ANK2: variants seen among roughly 807,000 people sequenced by gnomAD.
ANK2 encodes ankyrin-2.
ANK2 carries 83 observed loss-of-function variants against 360.5 expected under a neutral mutation model. The ratio of observed to expected loss-of-function variants is 0.23; its 90% CI spans 0.19 to 0.28. ANK2 has a LOEUF of 0.28. Ranked by LOEUF, ANK2 falls within the 10% of genes least tolerant of loss-of-function variation. The pLI is 1.00. For synonymous variants in ANK2, 1,740 were observed against 1,759.5 expected, an observed-to-expected ratio of 0.99 and a Z score of 0.28; for missense variants, 4,201 against 4,795.7, an observed-to-expected ratio of 0.88 and a Z score of 3.66.
At chr4:113,276,650 C>T (rs917755300) in intron 15 of ANK2, among the ~76,000 whole-genome samples, 3 of 152,152 alleles carry the variant, frequency 2.0e-5, no homozygotes, top group South Asian at 2.1e-4. Flanking sequence ...ATACTTCCTA[C>T]GTTTGTCCCA....
intron 2 of ANK2, among the ~76,000 whole-genome samples, chr4:112,926,594 C>G (rs2092591030): frequency 6.6e-6 from 1 of 152,138 alleles, no homozygotes; most frequent in Admixed American, 6.6e-5. Flanking sequence ...TAAGGGTGTG[C>G]ATATTTGATT....
chr4:113,221,859 A>G (rs950478448), intron 4 of ANK2, among the ~76,000 whole-genome samples: 1 of 152,254 alleles, frequency 6.6e-6, no homozygotes, highest in African/African-American at 2.4e-5. Context: ...AGCAGGGATC[A>G]TGGTAGACCC....
the ANK2 span, among the ~76,000 whole-genome samples, chr4:112,751,619 T>G: frequency 1.4e-5 from 2 of 141,992 alleles, no homozygotes; most frequent in Admixed American, 7.1e-5. Flanking sequence ...GGGGAAGGGA[T>G]GGAATTGGAG....
the ANK2 span, among the ~76,000 whole-genome samples, chr4:112,738,412 CAAAAA>C: frequency 2.0e-5 from 1 of 51,014 alleles, no homozygotes; most frequent in African/African-American, 6.8e-5. Flanking sequence ...GAGTCTGTCT[CAAAAA>C]AAAAAAAAAA....
chr4:113,226,559 A>G (rs1004140822), intron 4 of ANK2, among the ~76,000 whole-genome samples: 3 of 152,140 alleles, frequency 2.0e-5, no homozygotes, highest in Non-Finnish European at 4.4e-5. Flanking sequence ...ATTTAAAAAA[A>G]CTAATTATAT....
chr4:113,260,439 T>G (rs564418862), intron 13 of ANK2, among the ~76,000 whole-genome samples: 90 of 152,324 alleles, frequency 5.9e-4, no homozygotes, highest in African/African-American at 2.0e-3. Context: ...GTCCATTATA[T>G]TATCTTTCCA....
chr4:113,182,547 G>A (rs1397536276), intron 2 of ANK2, among the ~76,000 whole-genome samples: 1 of 152,174 alleles, frequency 6.6e-6, no homozygotes, highest in Non-Finnish European at 1.5e-5. Context: ...AGCCATCAAG[G>A]AGAATGGGAA....
chr4:113,051,811 T>C (rs1000405514), intron 1 of ANK2, among the ~76,000 whole-genome samples: 10 of 152,198 alleles, frequency 6.6e-5, no homozygotes, highest in African/African-American at 2.4e-4. Flanking sequence ...AGAATAATTA[T>C]ATATAGAATA....
intron 1 of ANK2, among the ~76,000 whole-genome samples, chr4:113,101,862 C>G (rs2092903320): frequency 6.6e-6 from 1 of 151,992 alleles, no homozygotes; most frequent in Non-Finnish European, 1.5e-5. Flanking sequence ...GAGTCAGATG[C>G]AAGAATGAGG....
rs569060552 is a variant in ANK2 at position 112,830,876 on chromosome 4, G to A, written c.-40+12612G>A. Among the ~76,000 whole-genome samples the A allele has an allele frequency of 1.2e-4, 19 of 152,288 alleles. No homozygotes were observed. In the South Asian group the frequency reaches 2.3e-3, roughly 18 times the overall value. On this transcript the variant is annotated intron_variant, in intron 1 of 30. Coordinates refer to the ANK2 transcript ENST00000503271. ...GCCAGCACGGGTTCCAGGTGGGCAC[G>A]GGCTTGGTGGGCCCTGCACTCAGAA...
chr4:113,287,460 G>C, intron 18 of ANK2, 145 bp from the exon 19 acceptor site: 1 of 706,220 alleles, frequency 1.4e-6, no homozygotes, highest in South Asian at 1.5e-5. Flanking sequence ...AGTTTGCCTT[G>C]AATATCAGAA....
At chr4:112,790,527 G>T in the ANK2 span, among the ~76,000 whole-genome samples, 1 of 130,086 alleles carries the variant, frequency 7.7e-6, no homozygotes, top group African/African-American at 3.0e-5. Context: ...TTGCTCTGTC[G>T]CCCAGGCTGG....
chr4:113,159,792 G>A (rs1253805033), intron 1 of ANK2, among the ~76,000 whole-genome samples: 1 of 144,534 alleles, frequency 6.9e-6, no homozygotes, highest in Admixed American at 7.0e-5. Context: ...ATATATATAT[G>A]TATTTTTGTA....
At chr4:113,006,044 T>A (rs1468712672) in intron 2 of ANK2, among the ~76,000 whole-genome samples, 2 of 152,182 alleles carry the variant, frequency 1.3e-5, no homozygotes, top group African/African-American at 2.4e-5. Flanking sequence ...ATAAACCTTT[T>A]TTCCTTTATA....
the ANK2 span, among the ~76,000 whole-genome samples, chr4:112,795,259 C>G: frequency 6.6e-6 from 1 of 152,136 alleles, no homozygotes; most frequent in African/African-American, 2.4e-5. Context: ...CAGTGTAAAT[C>G]CAGTTAAACT....
chr4:112,991,468 G>A (rs932221100), intron 2 of ANK2, among the ~76,000 whole-genome samples: 1 of 152,002 alleles, frequency 6.6e-6, no homozygotes, highest in African/African-American at 2.4e-5. Flanking sequence ...GTCTTTGCTG[G>A]TATAATCCCT....
At chr4:113,051,995 C>G (rs1005124444) in intron 1 of ANK2, among the ~76,000 whole-genome samples, 6 of 152,046 alleles carry the variant, frequency 3.9e-5, no homozygotes, top group African/African-American at 1.2e-4. Flanking sequence ...ATGACAGAAT[C>G]CAATATTGGT....
intron 1 of ANK2, among the ~76,000 whole-genome samples, chr4:112,819,600 GT>G (rs2056404809): frequency 2.0e-5 from 3 of 152,102 alleles, no homozygotes; most frequent in Non-Finnish European, 4.4e-5. Context: ...GCCCCACCCA[GT>G]GTTGTGAACA....
intron 27 of ANK2, 37 bp from the exon 28 acceptor site, chr4:113,331,935 A>G (rs781347336): frequency 8.3e-6 from 13 of 1,559,674 alleles, no homozygotes; most frequent in African/African-American, 6.8e-5. Flanking sequence ...AAGCTTACCT[A>G]TGTTCTTTCT....
Sources: allele counts gnomAD v4.1 joint callset (sites outside exome capture counted in the v4.1 genomes callset), GRCh38; gene constraint gnomAD v4.1.1; transcripts MANE v1.5; gene names NCBI Gene and HGNC (gene_info 2026-07-23, HGNC 2026-07-21).